Variants in CDH10 observed in about 807,000 individuals in gnomAD.
CDH10 encodes the protein cadherin-10.
In CDH10, 30 loss-of-function variants were observed where a neutral mutation model predicts 73.1. The ratio of observed to expected loss-of-function variants is 0.41; its 90% CI spans 0.31 to 0.56. The LOEUF (loss-of-function observed/expected upper bound fraction) is 0.56, where lower values mean the gene tolerates loss of function less well. Among genes scored for constraint, CDH10 ranks in the 20% least tolerant of loss-of-function variants. The probability of loss-of-function intolerance (pLI) is 0.27; values close to 1 mark genes in which losing one functional copy is unlikely to be tolerated. For synonymous variants in CDH10, 345 were observed against 348.2 expected (o/e 0.99, Z 0.10); for missense variants, 815 against 973.7 (o/e 0.84, Z 2.17).
chr5:24,551,774 G>A (rs1244829463), intron 2 of CDH10, among the ~76,000 whole-genome samples: 1 of 151,954 alleles, frequency 6.6e-6, no homozygotes, highest in African/African-American at 2.4e-5. Context: ...ATCTGCTTTA[G>A]AACCTTCTAT....
intron 5 of CDH10, among the ~76,000 whole-genome samples, chr5:24,526,813 T>C (rs1743550153): frequency 6.6e-6 from 1 of 151,834 alleles, no homozygotes; most frequent in African/African-American, 2.4e-5. Flanking sequence ...AAATAATATA[T>C]GCAGCATTTT....
chr5:24,580,094 G>A (rs1368052330), intron 2 of CDH10, among the ~76,000 whole-genome samples: 3 of 152,058 alleles, frequency 2.0e-5, no homozygotes, highest in Admixed American at 1.3e-4. Context: ...TAATACTTGA[G>A]AAATTTCTGT....
chr5:24,602,606 A>G (rs999035092), intron 1 of CDH10, among the ~76,000 whole-genome samples: 2 of 152,074 alleles, frequency 1.3e-5, no homozygotes, highest in South Asian at 2.1e-4. Flanking sequence ...AAAATGTATT[A>G]TTGCATTGCA....
In CDH10 at chr5:24,601,444, A is replaced by G. The variant is rs933915356; in HGVS notation, c.-123-7831T>C. 2.6e-5 allele frequency among the ~76,000 whole-genome samples: 4 copies of G among 152,170 alleles called. No homozygotes were observed. The East Asian group carries it at 5.8e-4, about 22-fold the overall frequency. ...AGATGTTACTATGATTAAAATTTACATGCTAATGTCCTTATCTAGGAGACA... is the reference window on the plus strand; with the variant it reads ...AGATGTTACTATGATTAAAATTTACGTGCTAATGTCCTTATCTAGGAGACA... On this transcript the variant is annotated intron_variant, in intron 1 of 11. Coordinates refer to ENST00000264463, the MANE Select transcript of CDH10 (RefSeq NM_006727.5).
In CDH10 at chr5:24,487,668, A is replaced by G; in HGVS notation, c.2362T>C (p.Ser788Pro). ...MYGGGESDKD[S>P] ...AACAGAACATATATCCTACGTTAAG[A>G]GTCTTTGTCACTTTCCCCACCACCA... Residue 788 changes from serine (S) to proline (P), a missense_variant, in exon 12 of 12, where the codon TCT becomes CCT. Transcript: ENST00000264463. 6.2e-7 allele frequency: 1 copy of G among 1,610,328 alleles called. No homozygotes were observed. Among genetic ancestry groups the G allele is most frequent in the Non-Finnish European group, 8.5e-7 (1 of 1,177,918 alleles).
chr5:24,570,088 G>C (rs891811879), intron 2 of CDH10, among the ~76,000 whole-genome samples: 1 of 152,072 alleles, frequency 6.6e-6, no homozygotes, highest in African/African-American at 2.4e-5. Context: ...TTTTCTATGA[G>C]ATTTGTTTTT....
chr5:24,603,585 T>C (rs1746648689), intron 1 of CDH10, among the ~76,000 whole-genome samples: 1 of 152,124 alleles, frequency 6.6e-6, no homozygotes, highest in Non-Finnish European at 1.5e-5. Flanking sequence ...ACCATTTCAA[T>C]AGATGAAGAA....
intron 2 of CDH10, among the ~76,000 whole-genome samples, chr5:24,582,280 T>C (rs150294925): frequency 1.5e-4 from 23 of 152,310 alleles, no homozygotes; most frequent in Non-Finnish European, 3.1e-4. Flanking sequence ...AATACGTTTA[T>C]GTAGAAAGAT....
chr5:24,543,212 T>C (rs1185326602), intron 2 of CDH10, among the ~76,000 whole-genome samples: 1 of 152,182 alleles, frequency 6.6e-6, no homozygotes, highest in Non-Finnish European at 1.5e-5. Context: ...CTTATATTAT[T>C]GTGAGATTAT....
intron 5 of CDH10, among the ~76,000 whole-genome samples, chr5:24,520,662 TG>T (rs1032687592): frequency 2.6e-5 from 4 of 152,210 alleles, no homozygotes; most frequent in Non-Finnish European, 5.9e-5. Context: ...TATAGTCTTT[TG>T]TATTTATTAA....
intron 1 of CDH10, among the ~76,000 whole-genome samples, chr5:24,626,876 GTGTATATATA>G: frequency 1.3e-5 from 1 of 74,490 alleles, no homozygotes; most frequent in South Asian, 5.1e-4. Flanking sequence ...GTATATATAA[GTGTATATATA>G]TGTGTATATA....
intron 2 of CDH10, among the ~76,000 whole-genome samples, chr5:24,583,611 G>A (rs901826367): frequency 6.6e-6 from 1 of 152,118 alleles, no homozygotes; most frequent in African/African-American, 2.4e-5. Flanking sequence ...TTTTGATGTG[G>A]TAATATATAT....
chr5:24,539,165 G>C (rs982554893), intron 2 of CDH10, among the ~76,000 whole-genome samples: 22 of 151,816 alleles, frequency 1.4e-4, no homozygotes, highest in Non-Finnish European at 2.8e-4. Flanking sequence ...TTGAGAATTC[G>C]AGACAATAAT....
chr5:24,507,465 TTAAC>T (rs1361663869), intron 7 of CDH10, among the ~76,000 whole-genome samples: 1 of 151,654 alleles, frequency 6.6e-6, no homozygotes. Flanking sequence ...TGCATCCTCA[TTAAC>T]TATTTTATTT....
chr5:24,603,565 T>A (rs1466222097), intron 1 of CDH10, among the ~76,000 whole-genome samples: 1 of 152,168 alleles, frequency 6.6e-6, no homozygotes, highest in Non-Finnish European at 1.5e-5. Context: ...ACAGATTTTT[T>A]AAAACTATGA....
intron 1 of CDH10, among the ~76,000 whole-genome samples, chr5:24,638,458 C>G (rs1205091910): frequency 2.0e-5 from 3 of 151,682 alleles, no homozygotes; most frequent in Non-Finnish European, 4.4e-5. Context: ...GAAAAAGAGA[C>G]AAAGTGACAG....
At chr5:24,516,487 T>C (rs1743113498) in intron 5 of CDH10, among the ~76,000 whole-genome samples, 1 of 152,158 alleles carries the variant, frequency 6.6e-6, no homozygotes, top group African/African-American at 2.4e-5. Flanking sequence ...TTTTTTTTCA[T>C]TCAGTTCCAC....
At chr5:24,495,733 G>A (rs1256388200) in intron 9 of CDH10, among the ~76,000 whole-genome samples, 1 of 151,922 alleles carries the variant, frequency 6.6e-6, no homozygotes, top group African/African-American at 2.4e-5. Context: ...TGCAGTCCCA[G>A]CTACTTGGGA....
In CDH10 at chr5:24,636,641, C is replaced by T. The variant is rs1316090145; in HGVS notation, c.-124+7953G>A. ...ACACACAATACACCTATATAACAAA[C>T]CTGCACATGTACCCCTGAACCTAAA... is the stretch of plus-strand genomic sequence containing the variant. On this transcript the variant is annotated intron_variant, in intron 1 of 11. Transcript: ENST00000264463. Among the ~76,000 whole-genome samples, 3 of 151,888 alleles carry T rather than the reference C, an allele frequency of 2.0e-5. No homozygotes were observed. The East Asian group carries it at 5.8e-4, about 29-fold the overall frequency.
Sources: gnomAD v4.1 joint callset for allele counts (sites outside exome capture counted in the v4.1 genomes callset) on GRCh38, gnomAD v4.1.1 for gene constraint, MANE v1.5 for transcripts, NCBI Gene and HGNC (gene_info 2026-07-23, HGNC 2026-07-21) for gene names.